Variants in FBXL17 observed in about 807,000 individuals in gnomAD.
FBXL17 encodes the protein F-box and leucine rich repeat protein 17.
Under a neutral mutation model 66.2 loss-of-function variants are expected in FBXL17, and 22 were observed. The observed-to-expected ratio is 0.33, with a 90% CI of 0.24 to 0.47. The LOEUF (loss-of-function observed/expected upper bound fraction) is 0.47. Among genes scored for constraint, FBXL17 ranks in the 20% least tolerant of loss-of-function variants. FBXL17 has a pLI of 1.00. For synonymous variants in FBXL17, 474 were observed against 400.5 expected (o/e 1.18, Z -2.19); for missense variants, 878 against 948.2 (o/e 0.93, Z 0.97).
intron 6 of FBXL17, among the ~76,000 whole-genome samples, chr5:108,097,243 G>T (rs1209334584): frequency 1.3e-5 from 2 of 152,152 alleles, no homozygotes; most frequent in Non-Finnish European, 2.9e-5. Context: ...CCCCACGATT[G>T]TAAGTTTCCT....
chr5:107,955,070 T>G (rs929863939), intron 7 of FBXL17, among the ~76,000 whole-genome samples: 1 of 152,118 alleles, frequency 6.6e-6, no homozygotes, highest in African/African-American at 2.4e-5. Context: ...AATGATCAGT[T>G]TTAATTATAA....
At chr5:108,219,595 G>A (rs1341917106) in intron 5 of FBXL17, among the ~76,000 whole-genome samples, 2 of 152,208 alleles carry the variant, frequency 1.3e-5, no homozygotes, top group Middle Eastern at 3.4e-3. Flanking sequence ...GCTGAGGCAG[G>A]AGAATTGCTT....
At chr5:108,242,567 C>A (rs1375140115) in intron 4 of FBXL17, among the ~76,000 whole-genome samples, 3 of 152,014 alleles carry the variant, frequency 2.0e-5, no homozygotes, top group African/African-American at 7.3e-5. Flanking sequence ...TTTCATCAAG[C>A]AAACTAGAAG....
At chr5:108,157,333 T>C (rs1442073981) in intron 6 of FBXL17, among the ~76,000 whole-genome samples, 2 of 152,010 alleles carry the variant, frequency 1.3e-5, no homozygotes, top group Non-Finnish European at 2.9e-5. Context: ...GTAGTATTAA[T>C]ACACATTCCG....
At chr5:107,951,005 T>C (rs537284968) in intron 7 of FBXL17, among the ~76,000 whole-genome samples, 1 of 152,326 alleles carries the variant, frequency 6.6e-6, no homozygotes, top group African/African-American at 2.4e-5. Context: ...ATCTGGACGA[T>C]GGCCTGCCAC....
At chr5:107,895,661 T>G (rs1021996385) in intron 7 of FBXL17, among the ~76,000 whole-genome samples, 2 of 152,158 alleles carry the variant, frequency 1.3e-5, no homozygotes, top group African/African-American at 2.4e-5. Flanking sequence ...TGCAAGTTAA[T>G]AGGTATTGTA....
Position 108,070,865 on chromosome 5 carries a change from CT to C in FBXL17, c.1746-49865del, listed in dbSNP as rs552182448. Among the ~76,000 whole-genome samples, 432 of 152,270 alleles carry C rather than the reference CT, an allele frequency of 2.8e-3. 2 individuals are homozygous for C. The highest frequency in any genetic ancestry group is 0.01 in the Middle Eastern group (3 of 294). On this transcript the variant is annotated intron_variant, in intron 6 of 8. Coordinates refer to ENST00000542267, the MANE Select transcript of FBXL17 (RefSeq NM_001163315.3). ...ACTACCATGTAACTACCACTGGGAACTGCAATTTTAATTTGCAGCAGGATGT... is the reference window on the plus strand; with the variant it reads ...ACTACCATGTAACTACCACTGGGAACGCAATTTTAATTTGCAGCAGGATGT...
intron 7 of FBXL17, among the ~76,000 whole-genome samples, chr5:107,905,916 T>C (rs1176250130): frequency 6.6e-6 from 1 of 152,224 alleles, no homozygotes; most frequent in Non-Finnish European, 1.5e-5. Context: ...TATATGCCTC[T>C]GGGCAACATT....
intron 6 of FBXL17, among the ~76,000 whole-genome samples, chr5:108,070,097 AG>A (rs1748272340): frequency 1.3e-5 from 2 of 152,372 alleles, no homozygotes; most frequent in African/African-American, 4.8e-5. Context: ...TTCTTCATGT[AG>A]CAGATTTGTA....
intron 8 of FBXL17, among the ~76,000 whole-genome samples, chr5:107,875,107 C>CT (rs374471434): frequency 0.16 from 23,578 of 143,294 alleles, 2,494 homozygotes; most frequent in African/African-American, 0.31. Flanking sequence ...CTCTCTCTCT[C>CT]TTTTTTTTTT....
intron 7 of FBXL17, among the ~76,000 whole-genome samples, chr5:108,001,358 A>T (rs967432495): frequency 1.3e-5 from 2 of 152,218 alleles, no homozygotes; most frequent in Admixed American, 1.3e-4. Context: ...TCCCTAATTA[A>T]ATTGCTTCAT....
chr5:108,231,748 G>A (rs762662616), intron 4 of FBXL17, among the ~76,000 whole-genome samples: 5 of 152,118 alleles, frequency 3.3e-5, no homozygotes, highest in Non-Finnish European at 7.3e-5. Flanking sequence ...GTGACTGACA[G>A]GACTATCAAG....
At chr5:108,200,371 G>A (rs1279045343) in intron 5 of FBXL17, among the ~76,000 whole-genome samples, 1 of 152,038 alleles carries the variant, frequency 6.6e-6, no homozygotes. Flanking sequence ...AGAAAAGAAG[G>A]AGGAAGGGGG....
chr5:108,118,147 C>T (rs1367960997), intron 6 of FBXL17, among the ~76,000 whole-genome samples: 1 of 152,144 alleles, frequency 6.6e-6, no homozygotes, highest in Admixed American at 6.5e-5. Flanking sequence ...AACACTTGAG[C>T]CTGTTCTCTT....
At chr5:108,166,773 A>G (rs561769321) in intron 6 of FBXL17, among the ~76,000 whole-genome samples, 1 of 152,302 alleles carries the variant, frequency 6.6e-6, no homozygotes, top group Non-Finnish European at 1.5e-5. Flanking sequence ...AATTAAATAT[A>G]AACACTCAAA....
intron 4 of FBXL17, among the ~76,000 whole-genome samples, chr5:108,244,695 C>A (rs1355245469): frequency 1.3e-5 from 2 of 152,084 alleles, no homozygotes. Flanking sequence ...ACTCTCCAAA[C>A]CATTAGAAAC....
At chr5:108,299,848 G>C (rs1758507914) in intron 4 of FBXL17, 2 of 984,354 alleles carry the variant, frequency 2.0e-6, no homozygotes, top group South Asian at 9.4e-5. Context: ...CTGAAAAAAA[G>C]GGTAGATGCC....
intron 6 of FBXL17, among the ~76,000 whole-genome samples, chr5:108,095,361 T>C (rs1749328960): frequency 6.6e-6 from 1 of 151,990 alleles, no homozygotes; most frequent in South Asian, 2.1e-4. Flanking sequence ...ACCTTTACCA[T>C]ACAGGAAGAA....
At chr5:107,973,298 T>C (rs1752445586) in intron 7 of FBXL17, among the ~76,000 whole-genome samples, 1 of 152,156 alleles carries the variant, frequency 6.6e-6, no homozygotes. Context: ...TGGCTTTGAA[T>C]GTGACCTATA....
Sources: allele counts gnomAD v4.1 joint callset (sites outside exome capture counted in the v4.1 genomes callset), GRCh38; gene constraint gnomAD v4.1.1; transcripts MANE v1.5; gene names NCBI Gene and HGNC (gene_info 2026-07-23, HGNC 2026-07-21).